Variants in CCDC141 observed in about 807,000 individuals in gnomAD.
CCDC141 encodes coiled-coil domain-containing protein 141.
A neutral mutation model predicts 181.0 loss-of-function variants in CCDC141; 168 were observed. That is an observed-to-expected ratio of 0.93 (90% confidence interval 0.82 to 1.05). The LOEUF (loss-of-function observed/expected upper bound fraction) is 1.05, where lower values mean the gene tolerates loss of function less well. Ranked by LOEUF, CCDC141 falls within the 50% of genes least tolerant of loss-of-function variation. CCDC141 has a pLI of 0.00. For synonymous variants in CCDC141, 666 were observed against 642.3 expected (o/e 1.04, Z -0.56); for missense variants, 1,902 against 1,788.5 (o/e 1.06, Z -1.14).
chr2:178,989,684 C>T lies in CCDC141; in HGVS notation c.226-11009G>A, dbSNP rs114507033. ...AACAATACAATCATAAAATGGGCAA[C>T]GGACTTGAAAAGACATTTCTCCAAC... On this transcript the variant is annotated intron_variant, in intron 2 of 23. Transcript: ENST00000443758. 6.9e-3 allele frequency among the ~76,000 whole-genome samples: 1,039 copies of T among 149,924 alleles called. 7 individuals carry two copies. Among genetic ancestry groups the T allele is most frequent in the Non-Finnish European group, 0.012 (827 of 67,466 alleles).
chr2:178,818,218 C>T, the CCDC141 span, among the ~76,000 whole-genome samples: 1 of 152,134 alleles, frequency 6.6e-6, no homozygotes, highest in South Asian at 2.1e-4. Flanking sequence ...AATAATTCCC[C>T]TGACTGAAAA....
intron 2 of CCDC141, among the ~76,000 whole-genome samples, chr2:179,000,462 C>T (rs1670154101): frequency 6.6e-6 from 1 of 151,994 alleles, no homozygotes; most frequent in African/African-American, 2.4e-5. Flanking sequence ...AAATATTCAC[C>T]ATCTGACCCT....
chr2:179,002,506 G>A, intron 2 of CCDC141: 2 of 413,438 alleles, frequency 4.8e-6, no homozygotes, highest in South Asian at 3.6e-5. Flanking sequence ...AAAAAAAGAT[G>A]ATGTCCAACA....
chr2:178,961,478 A>C lies in CCDC141; in HGVS notation c.532T>G (p.Leu178Val). 6.5e-7 allele frequency: 1 copy of C among 1,546,850 alleles called. No homozygotes were observed. Among genetic ancestry groups the C allele is most frequent in the South Asian group, 1.2e-5 (1 of 83,634 alleles). Residue 178 changes from leucine to valine, a missense_variant, in exon 5 of 24, where the codon TTG becomes GTG. By Grantham distance (32) the Leu-to-Val change is conservative. Coordinates refer to ENST00000443758, the MANE Select transcript of CCDC141 (RefSeq NM_173648.4). ...TTTAAAAGGGCTAAAGACCGTTCCA[A>C]GAGTTCTAGAAGAAAATTAGAAAGA... ...QLHEHHTKEL[L>V]ERSLALLNKS... is the part of the protein sequence containing the mutation.
chr2:179,000,084 A>T (rs2041922603), intron 2 of CCDC141, among the ~76,000 whole-genome samples: 1 of 151,798 alleles, frequency 6.6e-6, no homozygotes, highest in Non-Finnish European at 1.5e-5. Context: ...ACACACACAC[A>T]CACACACACA....
At chr2:178,859,350 C>G in intron 17 of CCDC141, among the ~76,000 whole-genome samples, 1 of 152,138 alleles carries the variant, frequency 6.6e-6, no homozygotes, top group East Asian at 1.9e-4. Flanking sequence ...CCCCACATAA[C>G]TTGTGGTCAT....
chr2:178,853,676 G>A (rs1685264321), intron 19 of CCDC141, 52 bp from the exon 20 acceptor site: 1 of 1,492,186 alleles, frequency 6.7e-7, no homozygotes, highest in Non-Finnish European at 9.1e-7. Context: ...TCCTTCTAAA[G>A]TTCTTAATTT....
rs1441149971 is a variant in CCDC141, at chr2:179,015,458, TATATATCTCATATATGTGCC to T, written c.225+31806_225+31825del. Among the ~76,000 whole-genome samples, 6 of 123,754 alleles carry T rather than the reference TATATATCTCATATATGTGCC, an allele frequency of 4.8e-5. No individual in the cohort carries two copies. The East Asian group carries it at 1.3e-3, about 27-fold the overall frequency. 81.2% of individuals were successfully genotyped at this position (123,754 alleles called of 152,430 possible). A position where few individuals can be genotyped will look rare whatever the true frequency, so the allele number is the denominator to read the frequency against. Reference sequence around the variant, plus strand: ...CCATATATATCTCATATATGTACCATATATATCTCATATATGTGCCATATATATCATATATGTGCCATATA... The same window carrying T: ...CCATATATATCTCATATATGTACCATATATATATCATATATGTGCCATATA... On this transcript the variant is annotated intron_variant, in intron 2 of 23. Coordinates refer to ENST00000443758, the MANE Select transcript of CCDC141 (RefSeq NM_173648.4).
At chr2:179,015,306 C>G (rs1434520209) in intron 2 of CCDC141, among the ~76,000 whole-genome samples, 1 of 126,480 alleles carries the variant, frequency 7.9e-6, no homozygotes, top group Non-Finnish European at 1.7e-5. Context: ...ATATATGTAT[C>G]ATACATATCT....
At position 178,959,799 on chromosome 2, in the gene CCDC141, C is replaced by A. The variant is rs1690317639; in HGVS notation, c.780+1431G>T. 2.0e-5 allele frequency among the ~76,000 whole-genome samples: 3 copies of A among 152,198 alleles called. No homozygotes were observed. The South Asian group carries it at 6.2e-4, about 31-fold the overall frequency. Reference sequence around the variant, plus strand: ...CAGGAGAATAAATGACTGGCATCTGCATTTGGGTCTCTGCTCTATGCCACT... The same window carrying A: ...CAGGAGAATAAATGACTGGCATCTGAATTTGGGTCTCTGCTCTATGCCACT... On this transcript the variant is annotated intron_variant, in intron 5 of 23. Coordinates refer to ENST00000443758, the MANE Select transcript of CCDC141 (RefSeq NM_173648.4).
rs1684196995 is a variant in CCDC141, at chr2:178,830,153, T to C, written c.*4020A>G. ...GAGAGTGGAGGCATCCAGTTCCTCA[T>C]ACCGGATGATGATTTATGCCTAAGT... is the stretch of plus-strand genomic sequence containing the variant. On this transcript the variant is annotated 3_prime_UTR_variant, in exon 24 of 24. Transcript: ENST00000443758. 1 of 152,252 alleles carries C rather than the reference T, an allele frequency of 6.6e-6. No individual in the cohort carries two copies. Among genetic ancestry groups the C allele is most frequent in the African/African-American group, 2.4e-5 (1 of 41,462 alleles). 9.4% of individuals were successfully genotyped at this position (152,252 alleles called of 1,614,324 possible). A position where few individuals can be genotyped will look rare whatever the true frequency, so the allele number is the denominator to read the frequency against.
chr2:179,037,650 A>T (rs1224000928), intron 2 of CCDC141, among the ~76,000 whole-genome samples: 2 of 152,218 alleles, frequency 1.3e-5, no homozygotes, highest in Admixed American at 1.3e-4. Flanking sequence ...CAACTCAACA[A>T]CAGAAAATCC....
intron 22 of CCDC141, among the ~76,000 whole-genome samples, chr2:178,839,895 T>C (rs1232638845): frequency 6.6e-6 from 1 of 152,224 alleles, no homozygotes; most frequent in African/African-American, 2.4e-5. Flanking sequence ...ATTTTCCTCC[T>C]TATGGGGACT....
intron 21 of CCDC141, among the ~76,000 whole-genome samples, chr2:178,847,998 A>T (rs771230088): frequency 2.0e-5 from 3 of 152,200 alleles, no homozygotes; most frequent in Non-Finnish European, 4.4e-5. Context: ...TGAGAAACAA[A>T]TGTCTGTTTT....
chr2:178,838,990 C>T (rs1684605367), intron 22 of CCDC141, among the ~76,000 whole-genome samples: 1 of 152,200 alleles, frequency 6.6e-6, no homozygotes, highest in South Asian at 2.1e-4. Flanking sequence ...TGGGTGCCTA[C>T]TTACTTAGTA....
chr2:178,889,327 A>G (rs970124584), intron 8 of CCDC141, among the ~76,000 whole-genome samples: 4 of 152,180 alleles, frequency 2.6e-5, no homozygotes, highest in Non-Finnish European at 4.4e-5. Flanking sequence ...ACAATGCATG[A>G]ACTTTGAGAT....
At chr2:178,981,149 T>C (rs982562224) in intron 2 of CCDC141, among the ~76,000 whole-genome samples, 2 of 152,162 alleles carry the variant, frequency 1.3e-5, no homozygotes, top group East Asian at 1.9e-4. Context: ...TATACTATAA[T>C]AGAGACTTCA....
chr2:179,022,751 G>A (rs1490614081), intron 2 of CCDC141, among the ~76,000 whole-genome samples: 1 of 152,080 alleles, frequency 6.6e-6, no homozygotes, highest in Non-Finnish European at 1.5e-5. Flanking sequence ...ATATATTTCT[G>A]GAGGCCAAGA....
In CCDC141 at chr2:178,931,107, A is replaced by C. The variant is rs993505584; in HGVS notation, c.898-12200T>G. On this transcript the variant is annotated intron_variant, in intron 6 of 23. Transcript: ENST00000443758. ...AGTTATTAGGGAAATGCAAGTAAGA[A>C]TCACAATGAACTAGCACTTCATGCA... Among the ~76,000 whole-genome samples, 3 of 152,210 alleles carry C rather than the reference A, an allele frequency of 2.0e-5. No homozygotes were observed. The South Asian group carries it at 6.2e-4, about 32-fold the overall frequency.
Sources: allele counts gnomAD v4.1 joint callset (sites outside exome capture counted in the v4.1 genomes callset), GRCh38; gene constraint gnomAD v4.1.1; transcripts MANE v1.5; gene names NCBI Gene and HGNC (gene_info 2026-07-23, HGNC 2026-07-21).